ZNF362: variants seen among roughly 807,000 people sequenced by gnomAD.
The protein encoded by ZNF362 is zinc finger protein 362.
ZNF362 carries 11 observed loss-of-function variants against 42.9 expected under a neutral mutation model. The observed-to-expected ratio is 0.26, with a 90% CI of 0.16 to 0.42. The LOEUF (loss-of-function observed/expected upper bound fraction) is 0.42, where lower values mean the gene tolerates loss of function less well. Among genes scored for constraint, ZNF362 ranks in the 20% least tolerant of loss-of-function variants. The pLI is 1.00. For synonymous variants in ZNF362, 255 were observed against 257.3 expected (o/e 0.99, Z 0.09); for missense variants, 362 against 576.2 (o/e 0.63, Z 3.81).
the ZNF362 span, chr1:33,145,294 T>C: frequency 2.0e-5 from 3 of 152,468 alleles, no homozygotes. Flanking sequence ...CATAATACCA[T>C]TTACCCAGCC....
chr1:33,144,225 C>T, the ZNF362 span, among the ~76,000 whole-genome samples: 3 of 152,256 alleles, frequency 2.0e-5, no homozygotes, highest in Non-Finnish European at 2.9e-5. Flanking sequence ...GCAACCTCCG[C>T]CTCCCGGGTT....
chr1:33,151,295 G>A, the ZNF362 span, among the ~76,000 whole-genome samples: 1 of 152,204 alleles, frequency 6.6e-6, no homozygotes, highest in East Asian at 1.9e-4. Flanking sequence ...GGCCGGCCTA[G>A]GGGCAGGGCC....
the ZNF362 span, chr1:33,159,673 G>C: frequency 1.8e-5 from 29 of 1,594,274 alleles, no homozygotes; most frequent in Non-Finnish European, 2.4e-5. The surrounding 1 kb of genome is among the most constrained non-coding windows in gnomAD (Gnocchi z 4.2). Context: ...GAGGGCCCCG[G>C]CGGGTGGCAC....
the ZNF362 span, among the ~76,000 whole-genome samples, chr1:33,178,770 A>G: frequency 6.6e-6 from 1 of 152,262 alleles, no homozygotes; most frequent in South Asian, 2.1e-4. Context: ...CTAGAGAGTA[A>G]GCAAGTGGCA....
chr1:33,291,199 T>G (rs1393086600), intron 6 of ZNF362, among the ~76,000 whole-genome samples: 1 of 152,162 alleles, frequency 6.6e-6, no homozygotes, highest in Non-Finnish European at 1.5e-5. Flanking sequence ...TGGTTTTAGG[T>G]CTAACATTTA....
At chr1:33,133,747 C>T in the ZNF362 span, among the ~76,000 whole-genome samples, 3 of 152,232 alleles carry the variant, frequency 2.0e-5, no homozygotes, top group Non-Finnish European at 4.4e-5. Context: ...CCTTGGCCCA[C>T]ACAACACTGG....
the ZNF362 span, among the ~76,000 whole-genome samples, chr1:33,177,394 G>A: frequency 4.6e-5 from 7 of 152,122 alleles, no homozygotes; most frequent in African/African-American, 1.7e-4. This position sits in a 1 kb window ranked among gnomAD's most constrained non-coding sequence, Gnocchi z 4.1. Flanking sequence ...ATATCCTCTT[G>A]TTATAGATGA....
At chr1:33,165,468 C>A in the ZNF362 span, 369,974 of 1,593,538 alleles carry the variant, frequency 0.23, 44,425 homozygotes, top group South Asian at 0.31. The surrounding 1 kb of genome is among the most constrained non-coding windows in gnomAD (Gnocchi z 4.0). Flanking sequence ...CGGCCAGGCT[C>A]ACCTTGGTCT....
the ZNF362 span, among the ~76,000 whole-genome samples, chr1:33,155,091 T>TTTG: frequency 1.5e-5 from 2 of 134,188 alleles, no homozygotes; most frequent in African/African-American, 5.3e-5. Context: ...AGACTCCATC[T>TTTG]CAAAAGGTCT....
In ZNF362 at chr1:33,300,351, A is replaced by G. The variant is rs1052812817; in HGVS notation, c.*1305A>G. ...CCCTTTGTTTGACTTGCGTCGTCTG[A>G]TACTCAGTATTGTAGCTTTTTGTCC... On this transcript the variant is annotated 3_prime_UTR_variant, in exon 9 of 9. Transcript: ENST00000539719. 5 of 114,560 alleles carry G rather than the reference A, an allele frequency of 4.4e-5. No homozygotes were observed. Among genetic ancestry groups the G allele is most frequent in the Non-Finnish European group, 6.5e-5 (4 of 61,832 alleles). 7.1% of individuals were successfully genotyped at this position (114,560 alleles called of 1,614,324 possible).
At chr1:33,202,013 T>A in the ZNF362 span, among the ~76,000 whole-genome samples, 39 of 152,326 alleles carry the variant, frequency 2.6e-4, 1 homozygote, top group Non-Finnish European at 3.5e-4. Flanking sequence ...GTTGGATAAC[T>A]TAGATGAAAT....
the ZNF362 span, among the ~76,000 whole-genome samples, chr1:33,199,370 A>G: frequency 2.0e-5 from 3 of 152,174 alleles, no homozygotes; most frequent in Non-Finnish European, 2.9e-5. Context: ...GTGGAACAAC[A>G]TCTTTAAAGT....
At position 33,294,034 on chromosome 1, in the gene ZNF362, G is replaced by T. The variant is rs1313007756; in HGVS notation, c.909-903G>T. Reference sequence around the variant, plus strand: ...CATGTGATTTACTTATTTCACGCTTGTTGCTTATTTCCTCCAGGCAGTGGC... The same window carrying T: ...CATGTGATTTACTTATTTCACGCTTTTTGCTTATTTCCTCCAGGCAGTGGC... On this transcript the variant is annotated intron_variant, in intron 6 of 8. Transcript: ENST00000539719. The surrounding 1 kb of genome is among the most constrained non-coding windows in gnomAD (Gnocchi z 4.2). Among the ~76,000 whole-genome samples, 1 of 152,176 alleles carries T rather than the reference G, an allele frequency of 6.6e-6. No individual in the cohort carries two copies. The highest frequency in any genetic ancestry group is 1.5e-5 in the Non-Finnish European group (1 of 68,030).
the ZNF362 span, among the ~76,000 whole-genome samples, chr1:33,218,036 A>G: frequency 6.6e-6 from 1 of 152,208 alleles, no homozygotes; most frequent in Non-Finnish European, 1.5e-5. Context: ...GTGGCTCCCT[A>G]TTTTTCTCTA....
chr1:33,147,859 A>G, the ZNF362 span: 1 of 998,238 alleles, frequency 1.0e-6, no homozygotes, highest in Non-Finnish European at 1.4e-6. This position sits in a 1 kb window ranked among gnomAD's most constrained non-coding sequence, Gnocchi z 8.1. Context: ...CCTTGAATAC[A>G]AGTCTGCCCT....
chr1:33,209,192 C>T, the ZNF362 span, among the ~76,000 whole-genome samples: 1 of 152,262 alleles, frequency 6.6e-6, no homozygotes, highest in East Asian at 1.9e-4. Flanking sequence ...TGGTTTTTGT[C>T]GTTGGTTCTG....
intron 8 of ZNF362, among the ~76,000 whole-genome samples, chr1:33,295,799 A>T (rs145741151): frequency 6.6e-6 from 1 of 152,230 alleles, no homozygotes; most frequent in Non-Finnish European, 1.5e-5. Context: ...ACCCAGAAAT[A>T]CCATTCACCC....
chr1:33,127,596 C>T, the ZNF362 span, among the ~76,000 whole-genome samples: 1 of 152,190 alleles, frequency 6.6e-6, no homozygotes, highest in Admixed American at 6.5e-5. Flanking sequence ...AGGGTAACAC[C>T]GGAAGTGGGC....
chr1:33,205,690 G>C, the ZNF362 span, among the ~76,000 whole-genome samples: 1 of 152,074 alleles, frequency 6.6e-6, no homozygotes, highest in Non-Finnish European at 1.5e-5. Flanking sequence ...GAGGTGAGTG[G>C]ATCACCTGAG....
Sources: allele counts gnomAD v4.1 joint callset (sites outside exome capture counted in the v4.1 genomes callset), GRCh38; gene constraint gnomAD v4.1.1; non-coding constraint Gnocchi (gnomAD v3.1); transcripts MANE v1.5; gene names NCBI Gene and HGNC (gene_info 2026-07-23, HGNC 2026-07-21).